SLC4A10: variants seen among roughly 807,000 people sequenced by gnomAD.
The protein encoded by SLC4A10 is sodium-driven chloride bicarbonate exchanger.
SLC4A10 carries 42 observed loss-of-function variants against 137.7 expected under a neutral mutation model. That is an observed-to-expected ratio of 0.30 (90% CI 0.24 to 0.39). The LOEUF is 0.39. SLC4A10 is among the 10% of genes least tolerant of loss of function. SLC4A10 has a pLI of 1.00. For synonymous variants in SLC4A10, 474 were observed against 464.1 expected, an observed-to-expected ratio of 1.02 and a Z score of -0.27; for missense variants, 925 against 1,355.0, an observed-to-expected ratio of 0.68 and a Z score of 4.98.
intron 15 of SLC4A10, chr2:161,931,166 G>A (rs1401960750): frequency 1.3e-5 from 2 of 152,078 alleles, no homozygotes; most frequent in African/African-American, 4.8e-5. Flanking sequence ...GTTTTTTATC[G>A]AAGTCCCTGT....
At chr2:161,695,990 G>A (rs960622074) in intron 1 of SLC4A10, among the ~76,000 whole-genome samples, 1 of 151,826 alleles carries the variant, frequency 6.6e-6, no homozygotes, top group Non-Finnish European at 1.5e-5. Context: ...GTATACATGT[G>A]CCATGTTGGT....
At chr2:161,914,925 C>T (rs867963701) in intron 15 of SLC4A10, among the ~76,000 whole-genome samples, 1 of 152,130 alleles carries the variant, frequency 6.6e-6, no homozygotes, top group Non-Finnish European at 1.5e-5. Flanking sequence ...ACCCCACTTT[C>T]GAGCCAAAAA....
intron 23 of SLC4A10, among the ~76,000 whole-genome samples, chr2:161,969,892 C>G (rs959575719): frequency 1.3e-5 from 2 of 152,204 alleles, no homozygotes; most frequent in Non-Finnish European, 2.9e-5. Flanking sequence ...AGACAAATGT[C>G]ATTTCTAGCT....
At chr2:161,776,047 A>G (rs2052287569) in intron 2 of SLC4A10, among the ~76,000 whole-genome samples, 1 of 151,872 alleles carries the variant, frequency 6.6e-6, no homozygotes, top group African/African-American at 2.4e-5. Context: ...TCAAATAGGA[A>G]TAGCATAAGA....
chr2:161,770,099 CTTTAGTA>C (rs1422386363), intron 1 of SLC4A10, among the ~76,000 whole-genome samples: 2 of 151,822 alleles, frequency 1.3e-5, no homozygotes, highest in Non-Finnish European at 1.5e-5. Context: ...CTTCATTCAC[CTTTAGTA>C]TATCTTTTTA....
chr2:161,877,139 C>A (rs1249831117), intron 8 of SLC4A10, among the ~76,000 whole-genome samples: 1 of 151,952 alleles, frequency 6.6e-6, no homozygotes, highest in South Asian at 2.1e-4. Flanking sequence ...TAAATTTCAT[C>A]TTTAAACAGT....
chr2:161,658,179 T>C (rs1432576055), intron 1 of SLC4A10, among the ~76,000 whole-genome samples: 13 of 152,220 alleles, frequency 8.5e-5, no homozygotes, highest in Admixed American at 8.5e-4. Flanking sequence ...CAAAGCTCTA[T>C]TTTATGAGTG....
intron 1 of SLC4A10, among the ~76,000 whole-genome samples, chr2:161,761,357 C>A (rs1488868051): frequency 6.6e-6 from 1 of 151,934 alleles, no homozygotes; most frequent in East Asian, 1.9e-4. Context: ...TGAAGGCCTG[C>A]AAGACAGATG....
chr2:161,665,641 G>C (rs1016279298), intron 1 of SLC4A10, among the ~76,000 whole-genome samples: 1 of 151,562 alleles, frequency 6.6e-6, no homozygotes, highest in Non-Finnish European at 1.5e-5. Flanking sequence ...CAAATCTTAA[G>C]CTATTTGACA....
chr2:161,702,842 C>T (rs922506777), intron 1 of SLC4A10, among the ~76,000 whole-genome samples: 26 of 151,714 alleles, frequency 1.7e-4, no homozygotes, highest in Non-Finnish European at 1.9e-4. Flanking sequence ...TGTCTATAAG[C>T]GTAGAAACAA....
chr2:161,691,755 G>A (rs541754234), intron 1 of SLC4A10, among the ~76,000 whole-genome samples: 1 of 152,024 alleles, frequency 6.6e-6, no homozygotes, highest in South Asian at 2.1e-4. Context: ...ATCTTGTAGA[G>A]GAAACAAGTC....
intron 1 of SLC4A10, among the ~76,000 whole-genome samples, chr2:161,670,840 C>T (rs1355354263): frequency 6.6e-6 from 1 of 152,046 alleles, no homozygotes; most frequent in East Asian, 1.9e-4. Flanking sequence ...CAGATCAAAC[C>T]TCCCTCTTCT....
chr2:161,882,079 A>T (rs557940786), intron 9 of SLC4A10, among the ~76,000 whole-genome samples: 3 of 151,804 alleles, frequency 2.0e-5, no homozygotes, highest in African/African-American at 7.2e-5. Context: ...AAAATTCCCA[A>T]TAACAACTGC....
chr2:161,741,025 A>C (rs1462013706), intron 1 of SLC4A10, among the ~76,000 whole-genome samples: 1 of 152,118 alleles, frequency 6.6e-6, no homozygotes. Flanking sequence ...CACACCTGTA[A>C]TCCTTGGCAG....
intron 6 of SLC4A10, among the ~76,000 whole-genome samples, chr2:161,867,584 G>A (rs1465946494): frequency 6.6e-6 from 1 of 151,968 alleles, no homozygotes; most frequent in Non-Finnish European, 1.5e-5. Context: ...GGAATGTCAA[G>A]ACTAGATTTT....
intron 13 of SLC4A10, 126 bp downstream of exon 13, chr2:161,904,304 C>A: frequency 9.9e-7 from 1 of 1,010,654 alleles, no homozygotes; most frequent in Non-Finnish European, 1.4e-6. Flanking sequence ...CTGGCAGATA[C>A]ACCTTATATG....
intron 1 of SLC4A10, chr2:161,709,762 C>G (rs929526116): frequency 6.6e-6 from 1 of 151,610 alleles, no homozygotes; most frequent in Admixed American, 6.6e-5. Context: ...TTTGTTACAG[C>G]ATGTCCTCAG....
rs1282790399 is a variant in SLC4A10, at chr2:161,833,862, A to C, written c.278-5927A>C. ...AAGGGCTTCTTCAAAAATTAAAAAA[A>C]GTTTCCAACTCTGCCTCTCTCACCT... On this transcript the variant is annotated intron_variant, in intron 3 of 26. Transcript: ENST00000446997. Among the ~76,000 whole-genome samples, 7 of 152,212 alleles carry C rather than the reference A, an allele frequency of 4.6e-5. No homozygotes were observed. The South Asian group carries it at 1.4e-3, about 32-fold the overall frequency.
At chr2:161,700,820 T>G (rs2043048370) in intron 1 of SLC4A10, among the ~76,000 whole-genome samples, 1 of 152,144 alleles carries the variant, frequency 6.6e-6, no homozygotes, top group Non-Finnish European at 1.5e-5. Flanking sequence ...CAGGTTCTGC[T>G]CTACGCGCTC....
Sources: allele counts gnomAD v4.1 joint callset (sites outside exome capture counted in the v4.1 genomes callset), GRCh38; gene constraint gnomAD v4.1.1; transcripts MANE v1.5; gene names NCBI Gene and HGNC (gene_info 2026-07-23, HGNC 2026-07-21).